Variants in ROBO1 observed in about 807,000 individuals in gnomAD.
The protein encoded by ROBO1 is roundabout homolog 1.
A neutral mutation model predicts 195.9 loss-of-function variants in ROBO1; 149 were observed. The ratio of observed to expected loss-of-function variants is 0.76; its 90% CI spans 0.67 to 0.87. The LOEUF is 0.87. ROBO1 is among the 40% of genes least tolerant of loss of function. ROBO1 has a pLI of 0.00. For synonymous variants in ROBO1, 816 were observed against 733.2 expected, an observed-to-expected ratio of 1.11 and a Z score of -1.82; for missense variants, 1,933 against 2,068.3, an observed-to-expected ratio of 0.93 and a Z score of 1.27.
At chr3:79,240,693 C>T (rs534965654) in intron 2 of ROBO1, among the ~76,000 whole-genome samples, 136 of 152,188 alleles carry the variant, frequency 8.9e-4, no homozygotes, top group African/African-American at 3.2e-3. Context: ...GTCACCCAGG[C>T]TGGAGTGCAG....
chr3:78,885,774 T>C, intron 4 of ROBO1, among the ~76,000 whole-genome samples: 1 of 151,292 alleles, frequency 6.6e-6, no homozygotes, highest in East Asian at 1.9e-4. Flanking sequence ...GATTTGAACT[T>C]CATCAGCCTG....
Position 78,614,804 on chromosome 3 carries a change from A to C in ROBO1, c.4283-4T>G. 1 of 1,563,060 alleles carries C rather than the reference A, an allele frequency of 6.4e-7. No homozygotes were observed. Among genetic ancestry groups the C allele is most frequent in the East Asian group, 2.3e-5 (1 of 43,424 alleles). On this transcript the variant is annotated splice_polypyrimidine_tract_variant and splice_region_variant and intron_variant, in intron 27 of 30. Coordinates refer to ENST00000464233, the MANE Select transcript of ROBO1 (RefSeq NM_002941.4). ...GACGCATGAAAATGTCGACGGCCTAAGGAGAAAAAAAAAAAAAATCCAAGC... is the reference window on the plus strand; with the variant it reads ...GACGCATGAAAATGTCGACGGCCTACGGAGAAAAAAAAAAAAAATCCAAGC...
intron 4 of ROBO1, among the ~76,000 whole-genome samples, chr3:78,761,243 T>A (rs1363596406): frequency 7.6e-6 from 1 of 130,848 alleles, no homozygotes; most frequent in East Asian, 2.1e-4. Context: ...ATAAAACCAT[T>A]AGCAACTTCA....
chr3:79,543,156 C>T (rs550576178), intron 2 of ROBO1, among the ~76,000 whole-genome samples: 13 of 152,082 alleles, frequency 8.5e-5, no homozygotes, highest in South Asian at 8.3e-4. Context: ...CTGTCATCCT[C>T]CCAAGTAATT....
intron 3 of ROBO1, among the ~76,000 whole-genome samples, chr3:78,981,620 T>C (rs2076991655): frequency 1.3e-5 from 2 of 152,134 alleles, no homozygotes; most frequent in Admixed American, 6.6e-5. Context: ...CCTTTTCCTC[T>C]ACCCTTAAAG....
chr3:78,715,224 T>A (rs2081870825), intron 7 of ROBO1: 1 of 152,204 alleles, frequency 6.6e-6, no homozygotes, highest in South Asian at 2.1e-4. Flanking sequence ...TAATTAGACA[T>A]CACATCCCAT....
chr3:79,190,580 A>G (rs2081522936), intron 2 of ROBO1, among the ~76,000 whole-genome samples: 1 of 151,474 alleles, frequency 6.6e-6, no homozygotes, highest in Non-Finnish European at 1.5e-5. Flanking sequence ...ACTGTCTACA[A>G]ATAAATCAGT....
chr3:79,322,670 G>C (rs1052929861), intron 2 of ROBO1, among the ~76,000 whole-genome samples: 2 of 152,088 alleles, frequency 1.3e-5, no homozygotes, highest in Non-Finnish European at 2.9e-5. Context: ...GTAACCATTT[G>C]GCCGTATATT....
intron 3 of ROBO1, among the ~76,000 whole-genome samples, chr3:79,024,007 G>T (rs968085025): frequency 6.6e-6 from 1 of 151,928 alleles, no homozygotes; most frequent in Non-Finnish European, 1.5e-5. Context: ...ACCGCGCCTG[G>T]CCAGGGCCAA....
At chr3:79,688,260 C>T (rs1362396361) in intron 1 of ROBO1, among the ~76,000 whole-genome samples, 1 of 150,700 alleles carries the variant, frequency 6.6e-6, no homozygotes, top group Non-Finnish European at 1.5e-5. Flanking sequence ...AGGAGATATA[C>T]CTAATGTAAA....
At chr3:78,861,228 T>C (rs977689610) in intron 4 of ROBO1, among the ~76,000 whole-genome samples, 4 of 152,212 alleles carry the variant, frequency 2.6e-5, no homozygotes, top group Non-Finnish European at 5.9e-5. Flanking sequence ...TGGCCTCACC[T>C]TTCCCAGTTG....
chr3:78,643,106 C>T (rs568766544), intron 21 of ROBO1, among the ~76,000 whole-genome samples: 1 of 152,286 alleles, frequency 6.6e-6, no homozygotes, highest in South Asian at 2.1e-4. Context: ...GGAACTCACA[C>T]TCTCTTGTCA....
chr3:79,673,544 T>A (rs1946692835), intron 1 of ROBO1, among the ~76,000 whole-genome samples: 1 of 151,988 alleles, frequency 6.6e-6, no homozygotes, highest in Admixed American at 6.6e-5. Context: ...TATCTCTATA[T>A]TAGAAAGCCC....
intron 3 of ROBO1, among the ~76,000 whole-genome samples, chr3:79,055,198 T>A (rs2078781640): frequency 1.3e-5 from 2 of 152,108 alleles, no homozygotes; most frequent in African/African-American, 4.8e-5. Flanking sequence ...ATTAAATTAA[T>A]CGTGTCTGCC....
intron 2 of ROBO1, among the ~76,000 whole-genome samples, chr3:79,328,738 A>T (rs1371414071): frequency 6.6e-6 from 1 of 152,022 alleles, no homozygotes; most frequent in South Asian, 2.1e-4. Flanking sequence ...AGCAGAGTAC[A>T]CTGTACCCAA....
chr3:79,158,681 T>C (rs1379528541), intron 2 of ROBO1, among the ~76,000 whole-genome samples: 1 of 151,906 alleles, frequency 6.6e-6, no homozygotes, highest in Admixed American at 6.6e-5. Context: ...CCCAACATTA[T>C]GTGACATATA....
At chr3:78,926,603 T>C (rs930813002) in intron 4 of ROBO1, among the ~76,000 whole-genome samples, 5 of 152,044 alleles carry the variant, frequency 3.3e-5, no homozygotes, top group African/African-American at 9.7e-5. Context: ...TTTTGGACAT[T>C]TGAGCTGCAG....
intron 1 of ROBO1, among the ~76,000 whole-genome samples, chr3:79,636,663 A>G (rs1441087946): frequency 6.6e-6 from 1 of 152,172 alleles, no homozygotes; most frequent in Non-Finnish European, 1.5e-5. Flanking sequence ...CCAACCCTGT[A>G]AAAGCCTATT....
chr3:79,122,756 A>AG (rs2080143045), intron 3 of ROBO1, among the ~76,000 whole-genome samples: 1 of 151,994 alleles, frequency 6.6e-6, no homozygotes, highest in South Asian at 2.1e-4. Flanking sequence ...AAGGATAATT[A>AG]GGGGAATGTA....
Sources: allele counts gnomAD v4.1 joint callset (sites outside exome capture counted in the v4.1 genomes callset), GRCh38; gene constraint gnomAD v4.1.1; transcripts MANE v1.5; gene names NCBI Gene and HGNC (gene_info 2026-07-23, HGNC 2026-07-21).